NKAIN4: variants seen among roughly 807,000 people sequenced by gnomAD.
NKAIN4 encodes the protein sodium/potassium-transporting ATPase subunit beta-1-interacting protein 4.
Under a neutral mutation model 28.8 loss-of-function variants are expected in NKAIN4, and 28 were observed. The observed-to-expected ratio is 0.97, with a 90% confidence interval of 0.72 to 1.33. NKAIN4 has a LOEUF of 1.33. Ranked by LOEUF, NKAIN4 falls within the 40% of genes most tolerant of loss-of-function variation. The probability of loss-of-function intolerance (pLI) is 0.00; values close to 1 mark genes in which losing one functional copy is unlikely to be tolerated. For synonymous variants in NKAIN4, 122 were observed against 115.6 expected (o/e 1.06, Z -0.36); for missense variants, 289 against 277.2 (o/e 1.04, Z -0.30).
chr20:63,247,446 G>C lies in NKAIN4; in HGVS notation c.471+132C>G, dbSNP rs374123235. The C allele has an allele frequency of 4.5e-6, 7 of 1,544,520 alleles. No individual in the cohort carries two copies. In the East Asian group the frequency reaches 1.2e-4, roughly 27 times the overall value. On this transcript the variant is annotated intron_variant, in intron 4 of 6. Coordinates refer to ENST00000370316, the MANE Select transcript of NKAIN4 (RefSeq NM_152864.4). ...ATACCTTAACCTCTCCAGCAAGGGT[G>C]GGGGATGAGGAAGGCAGAGACACGC...
rs1185732011 is a variant in NKAIN4 at position 63,252,027 on chromosome 20, G to A, written c.55-1955C>T. Among the ~76,000 whole-genome samples, 1 of 152,212 alleles carries A rather than the reference G, an allele frequency of 6.6e-6. No homozygotes were observed. The highest frequency in any genetic ancestry group is 1.5e-5 in the Non-Finnish European group (1 of 68,040). On this transcript the variant is annotated intron_variant, in intron 1 of 6. Transcript: ENST00000370316. This position sits in a 1 kb window ranked among gnomAD's most constrained non-coding sequence, Gnocchi z 4.6. The stretch of plus-strand genomic sequence containing the variant: ...CCTACGCCGGGCACAGTTCTGTGAG[G>A]TCTGGGCTGGCGGCTGGGACAAGCT...
chr20:63,253,103 G>A, intron 1 of NKAIN4: 1 of 598,934 alleles, frequency 1.7e-6, no homozygotes, highest in Non-Finnish European at 2.1e-6. Context: ...TCCTTCATGA[G>A]GTCATCCGAC....
In NKAIN4 at chr20:63,247,704, C is replaced by T; in HGVS notation, c.345G>A (p.Leu115=). The T allele has an allele frequency of 1.3e-6, 2 of 1,528,082 alleles. No homozygotes were observed. Among genetic ancestry groups the T allele is most frequent in the Non-Finnish European group, 8.8e-7 (1 of 1,135,998 alleles). 94.7% of individuals were successfully genotyped at this position (1,528,082 alleles called of 1,614,324 possible). ...GGCCCACTGCTGGCACCTCCTCATG[C>T]AGACAGCCTGGCCAGCGCTCACGCC... The part of the protein sequence containing the change: ...SWWRERWPGC[L]HEEVPAVGLG... Residue 115 remains leucine (L), a synonymous_variant, in exon 4 of 7, where the codon CTG becomes CTA. Transcript: ENST00000370316.
In NKAIN4 at chr20:63,247,738, C is replaced by T. The variant is rs927666296; in HGVS notation, c.311G>A (p.Arg104His). Residue 104 changes from arginine (R) to histidine (H), a missense_variant, in exon 4 of 7, where the codon CGC (arginine) becomes CAC (histidine). Transcript: ENST00000370316. ...ELLTFSLSRH[R>H]SWWRERWPGC... ...TGGCCAGCGCTCACGCCACCAGGAG[C>T]GATGCCGGGAGAGGCTGAAGGTCAG... is the stretch of plus-strand genomic sequence containing the variant. 16 of 1,486,804 alleles carry T rather than the reference C, an allele frequency of 1.1e-5. No individual in the cohort carries two copies. Among genetic ancestry groups the T allele is most frequent in the South Asian group, 1.4e-5 (1 of 73,226 alleles). The allele number at this position is 1,486,804 out of a possible 1,614,324, so 92.1% of individuals were successfully genotyped here.
chr20:63,254,318 G>C, intron 1 of NKAIN4, 79 bp downstream of exon 1: 1 of 1,166,266 alleles, frequency 8.6e-7, no homozygotes, highest in African/African-American at 1.6e-5. Flanking sequence ...CCGGGGCGGA[G>C]GGACGCTTCG....
chr20:63,243,945 G>T, intron 5 of NKAIN4, 79 bp downstream of exon 5: 1 of 1,248,878 alleles, frequency 8.0e-7, no homozygotes, highest in Non-Finnish European at 1.1e-6. Context: ...CTCTCGCCTT[G>T]CCCCAGACGG....
intron 6 of NKAIN4, 121 bp downstream of exon 6, chr20:63,242,418 C>T (rs1273963676): frequency 1.2e-5 from 9 of 747,758 alleles, no homozygotes; most frequent in South Asian, 4.4e-5. Flanking sequence ...GATGGATGGA[C>T]GGATGGATGG....
At chr20:63,250,301 A>G (rs2066933896) in intron 1 of NKAIN4, among the ~76,000 whole-genome samples, 1 of 152,158 alleles carries the variant, frequency 6.6e-6, no homozygotes, top group South Asian at 2.1e-4. Context: ...AAGAATCCCC[A>G]AATGAGCCTG....
chr20:63,243,864 G>A (rs772200954), intron 5 of NKAIN4, 160 bp downstream of exon 5: 18 of 614,898 alleles, frequency 2.9e-5, no homozygotes, highest in Middle Eastern at 3.2e-4. Context: ...GGTGTGTGGC[G>A]AGTCCTCGCT....
upstream of NKAIN4, chr20:63,254,555 C>T (rs1601307928): frequency 2.5e-6 from 2 of 808,340 alleles, no homozygotes; most frequent in African/African-American, 1.8e-5. Flanking sequence ...CCCTCCGCAT[C>T]CCGTTCCCCC....
intron 5 of NKAIN4, among the ~76,000 whole-genome samples, 154 bp from the exon 6 acceptor site, chr20:63,242,777 C>CT (rs1184422618): frequency 3.5e-4 from 20 of 56,994 alleles, no homozygotes; most frequent in African/African-American, 1.6e-3. Flanking sequence ...GGAACATGGC[C>CT]TGGGGGGACG....
Position 63,243,016 on chromosome 20 carries a change from C to G in NKAIN4, c.533-393G>C, listed in dbSNP as rs111287723. Among the ~76,000 whole-genome samples, 583 of 152,342 alleles carry G rather than the reference C, an allele frequency of 3.8e-3. 2 individuals are homozygous for G. Among genetic ancestry groups the G allele is most frequent in the African/African-American group, 0.013 (532 of 41,572 alleles). On this transcript the variant is annotated intron_variant, in intron 5 of 6. Coordinates refer to ENST00000370316, the MANE Select transcript of NKAIN4 (RefSeq NM_152864.4). ...GGGGCTGCACCGTGTTCCGCCCACT[C>G]TCCCGCCGCCCTCCGTCATGTTCAG...
intron 2 of NKAIN4, 41 bp from the exon 3 acceptor site, chr20:63,248,936 C>T (rs772760801): frequency 4.5e-6 from 6 of 1,335,222 alleles, no homozygotes; most frequent in South Asian, 2.3e-5. Flanking sequence ...GAACACAGCT[C>T]CCGGGCACAC....
chr20:63,247,840 G>A, intron 3 of NKAIN4, 65 bp from the exon 4 acceptor site: 1 of 1,409,686 alleles, frequency 7.1e-7, no homozygotes, highest in Non-Finnish European at 9.3e-7. Flanking sequence ...ACCCACTGCA[G>A]CCTGCGGGGA....
At chr20:63,249,590 G>A (rs1257683254) in intron 2 of NKAIN4, among the ~76,000 whole-genome samples, 3 of 152,168 alleles carry the variant, frequency 2.0e-5, no homozygotes, top group African/African-American at 4.8e-5. Context: ...TCCCACCCTG[G>A]GCTTCCGACA....
intron 6 of NKAIN4, among the ~76,000 whole-genome samples, chr20:63,242,122 A>G (rs1191815530): frequency 6.6e-6 from 1 of 152,160 alleles, no homozygotes; most frequent in Non-Finnish European, 1.5e-5. Context: ...AGCTGTGGAC[A>G]CTGCCTTTCA....
In NKAIN4 at chr20:63,244,813, G is replaced by A. The variant is rs144486020; in HGVS notation, c.472-729C>T. On this transcript the variant is annotated intron_variant, in intron 4 of 6. Transcript: ENST00000370316. ...AGCCAGAAACACCAACAGCATGAGC[G>A]AGAGGGCCTGGCCAGGGGCACTCCA... Among the ~76,000 whole-genome samples, 735 of 152,328 alleles carry A rather than the reference G, an allele frequency of 4.8e-3. 8 individuals are homozygous for A. Among genetic ancestry groups the A allele is most frequent in the African/African-American group, 0.016 (686 of 41,584 alleles).
At chr20:63,244,368 A>T (rs1468512246) in intron 4 of NKAIN4, 1 of 532,822 alleles carries the variant, frequency 1.9e-6, no homozygotes, top group African/African-American at 1.9e-5. Context: ...TGAGCAGGTC[A>T]GCCTGAGTGG....
chr20:63,253,405 G>A, intron 1 of NKAIN4: 5 of 985,384 alleles, frequency 5.1e-6, no homozygotes, highest in Non-Finnish European at 6.0e-6. Context: ...CCCCTAAGCC[G>A]AGCACAGGAC....
Sources: allele counts gnomAD v4.1 joint callset (sites outside exome capture counted in the v4.1 genomes callset), GRCh38; gene constraint gnomAD v4.1.1; non-coding constraint Gnocchi (gnomAD v3.1); transcripts MANE v1.5; gene names NCBI Gene and HGNC (gene_info 2026-07-23, HGNC 2026-07-21).